ZHX2: variants seen among roughly 807,000 people sequenced by gnomAD.
ZHX2 encodes the protein zinc fingers and homeoboxes 2.
In ZHX2, 6 loss-of-function variants were observed where a neutral mutation model predicts 21.9. The ratio of observed to expected loss-of-function variants is 0.27; its 90% CI spans 0.15 to 0.54. The LOEUF (loss-of-function observed/expected upper bound fraction) is 0.54. Ranked by LOEUF, ZHX2 falls within the 20% of genes least tolerant of loss-of-function variation. The pLI is 0.95. For missense variants in ZHX2, 908 were observed against 1,090.7 expected (o/e 0.83, Z 2.36); for synonymous variants, 434 against 437.1 (o/e 0.99, Z 0.09).
intron 2 of ZHX2, among the ~76,000 whole-genome samples, chr8:122,909,364 T>C (rs998396572): frequency 8.8e-5 from 13 of 148,390 alleles, no homozygotes; most frequent in Non-Finnish European, 1.6e-4. Context: ...ACCCAGGAGG[T>C]GGAGGTTGCA....
At chr8:122,819,537 G>A (rs1447510813) in intron 1 of ZHX2, among the ~76,000 whole-genome samples, 1 of 152,236 alleles carries the variant, frequency 6.6e-6, no homozygotes, top group African/African-American at 2.4e-5. Flanking sequence ...TGATGTTCAA[G>A]TGGCCAGACT....
chr8:122,851,364 A>C (rs532177034), intron 1 of ZHX2, among the ~76,000 whole-genome samples: 1 of 152,298 alleles, frequency 6.6e-6, no homozygotes, highest in East Asian at 1.9e-4. Context: ...TCTCTCAATG[A>C]AAGTTGGCTA....
chr8:122,918,391 C>T (rs80092566), intron 2 of ZHX2, among the ~76,000 whole-genome samples: 5,247 of 152,330 alleles, frequency 0.034, 142 homozygotes, highest in Non-Finnish European at 0.052. Flanking sequence ...AAAACGAGAA[C>T]TTTAATCCTG....
At chr8:122,933,633 A>C (rs1812599704) in intron 2 of ZHX2, among the ~76,000 whole-genome samples, 1 of 152,212 alleles carries the variant, frequency 6.6e-6, no homozygotes, top group Admixed American at 6.5e-5. Flanking sequence ...TATGCTTCAA[A>C]ATATGTCTTA....
intron 1 of ZHX2, among the ~76,000 whole-genome samples, chr8:122,849,049 G>A (rs890199925): frequency 6.6e-6 from 1 of 152,168 alleles, no homozygotes; most frequent in Admixed American, 6.5e-5. Flanking sequence ...GCAAAGCCCT[G>A]AATCCACTGG....
chr8:122,932,966 A>G (rs1334688619), intron 2 of ZHX2, among the ~76,000 whole-genome samples: 3 of 152,176 alleles, frequency 2.0e-5, no homozygotes, highest in African/African-American at 7.2e-5. Flanking sequence ...AGGACATTCT[A>G]TCAGAGAATA....
chr8:122,836,133 C>A (rs1333921153), intron 1 of ZHX2, among the ~76,000 whole-genome samples: 1 of 152,088 alleles, frequency 6.6e-6, no homozygotes, highest in Admixed American at 6.5e-5. Context: ...ATTTTCGTTC[C>A]CAGAACAGGA....
intron 2 of ZHX2, among the ~76,000 whole-genome samples, chr8:122,882,088 T>C (rs1819726658): frequency 6.6e-6 from 1 of 152,188 alleles, no homozygotes; most frequent in South Asian, 2.1e-4. Flanking sequence ...AGTCCCTAAC[T>C]GGAAGTTCTG....
chr8:122,963,603 C>T (rs866852082), intron 3 of ZHX2, among the ~76,000 whole-genome samples: 1 of 152,050 alleles, frequency 6.6e-6, no homozygotes, highest in East Asian at 1.9e-4. Context: ...TTTGGCTATA[C>T]GGGCTCTTTT....
chr8:122,832,886 A>T (rs150682664), intron 1 of ZHX2, among the ~76,000 whole-genome samples: 4 of 152,244 alleles, frequency 2.6e-5, no homozygotes, highest in African/African-American at 9.6e-5. Context: ...AAGAGATAGT[A>T]TGGGCGTTGC....
chr8:122,889,483 G>C (rs1819926705), intron 2 of ZHX2, among the ~76,000 whole-genome samples: 1 of 152,186 alleles, frequency 6.6e-6, no homozygotes. Flanking sequence ...GATTCACGAT[G>C]TTGAGCATTT....
In ZHX2 at chr8:122,952,037, A is replaced by C; in HGVS notation, c.527A>C (p.Asp176Ala). Residue 176 changes from aspartate (D) to alanine (A), a missense_variant, in exon 3 of 4, where the codon GAT becomes GCT. Around this residue, in one of 4 missense-constraint regions of ZHX2, gnomAD observed 220 missense variants for 251.4 expected, o/e 0.88. Transcript: ENST00000314393. The surrounding 1 kb of genome is among the most constrained non-coding windows in gnomAD (Gnocchi z 6.9). ...TTSGPGTGDS[D>A]SGISVSKTPI... The stretch of plus-strand genomic sequence containing the variant: ...AGTGGCCCTGGAACTGGTGACAGTG[A>C]TTCTGGGATCTCGGTGAGTAAAACC... The C allele has an allele frequency of 4.3e-6, 7 of 1,613,606 alleles. No homozygotes were observed. Among genetic ancestry groups the C allele is most frequent in the Non-Finnish European group, 5.9e-6 (7 of 1,179,938 alleles).
Position 122,786,054 on chromosome 8 carries a change from AAAG to A in ZHX2, c.-283+4112_-283+4114del, listed in dbSNP as rs1430281597. Among the ~76,000 whole-genome samples the A allele has an allele frequency of 4.6e-5, 7 of 152,358 alleles. No individual in the cohort carries two copies. In the East Asian group the frequency reaches 1.3e-3, roughly 29 times the overall value. On this transcript the variant is annotated intron_variant, in intron 1 of 3. Transcript: ENST00000314393. ...GGGCAAAGAGAAGACCATGTACAAT[AAAG>A]AAGTGAGGGATGATTTGCTTTTAGG...
chr8:122,818,053 T>G (rs187512082), intron 1 of ZHX2, among the ~76,000 whole-genome samples: 1 of 152,308 alleles, frequency 6.6e-6, no homozygotes, highest in East Asian at 1.9e-4. Context: ...ATAAGATTTC[T>G]CATCATCACC....
At chr8:122,885,752 C>T (rs1003255138) in intron 2 of ZHX2, among the ~76,000 whole-genome samples, 2 of 152,122 alleles carry the variant, frequency 1.3e-5, no homozygotes, top group African/African-American at 4.8e-5. Flanking sequence ...TTATCTGGCC[C>T]AAAATATCAG....
intron 2 of ZHX2, among the ~76,000 whole-genome samples, chr8:122,876,749 T>C (rs1196367591): frequency 6.6e-6 from 1 of 152,222 alleles, no homozygotes. Context: ...CTTGTTTGCT[T>C]CCCGTCTTGA....
intron 2 of ZHX2, among the ~76,000 whole-genome samples, chr8:122,926,773 C>T (rs1372080569): frequency 6.6e-6 from 1 of 152,162 alleles, no homozygotes; most frequent in Non-Finnish European, 1.5e-5. Context: ...CTCACAGCAC[C>T]TTCCTCTATC....
intron 2 of ZHX2, among the ~76,000 whole-genome samples, chr8:122,897,324 T>C (rs545796822): frequency 6.6e-5 from 10 of 152,350 alleles, no homozygotes; most frequent in Admixed American, 6.5e-4. Flanking sequence ...TGAAATGATC[T>C]TTGGGGGATA....
rs151101037 is a variant in ZHX2 at position 122,960,177 on chromosome 8, G to C, written c.*4+6149G>C. Among the ~76,000 whole-genome samples, 16 of 152,208 alleles carry C rather than the reference G, an allele frequency of 1.1e-4. No individual in the cohort carries two copies. In the East Asian group the frequency reaches 3.1e-3, roughly 29 times the overall value. On this transcript the variant is annotated intron_variant, in intron 3 of 3. Coordinates refer to ENST00000314393, the MANE Select transcript of ZHX2 (RefSeq NM_014943.5). ...CTACACTGACATGTTCTTTGGTGCC[G>C]TTAGAGTATAGAATATGGGAATTTG...
Sources: gnomAD v4.1 joint callset for allele counts (sites outside exome capture counted in the v4.1 genomes callset) on GRCh38, gnomAD v4.1.1 for gene constraint, gnomAD v4.1.1 regional missense constraint, Gnocchi (gnomAD v3.1) non-coding constraint, MANE v1.5 for transcripts, NCBI Gene and HGNC (gene_info 2026-07-23, HGNC 2026-07-21) for gene names.